The following PINX1 variants were observed in gnomAD, a reference collection of about 807,000 sequenced individuals.
The protein encoded by PINX1 is PIN2/TERF1-interacting telomerase inhibitor 1.
A neutral mutation model predicts 25.4 loss-of-function variants in PINX1; 34 were observed. The ratio of observed to expected loss-of-function variants is 1.34; its 90% confidence interval spans 1.02 to 1.78. PINX1 has a LOEUF of 1.78. Ranked by LOEUF, PINX1 falls within the 40% of genes most tolerant of loss-of-function variation. PINX1 has a pLI of 0.00. For synonymous variants in PINX1, 197 were observed against 147.7 expected (o/e 1.33, Z -2.42); for missense variants, 592 against 404.9 (o/e 1.46, Z -3.97).
At chr8:10,766,665 G>C (rs949450884) in intron 6 of PINX1, among the ~76,000 whole-genome samples, 2 of 152,204 alleles carry the variant, frequency 1.3e-5, no homozygotes, top group African/African-American at 4.8e-5. Context: ...GACTGTGTTT[G>C]GGCTGTTTTT....
chr8:10,813,063 G>GT (rs2129083670), intron 6 of PINX1, among the ~76,000 whole-genome samples: 1 of 152,326 alleles, frequency 6.6e-6, no homozygotes, highest in African/African-American at 2.4e-5. Flanking sequence ...TCAGGATTCT[G>GT]TTATCAATGG....
At chr8:10,782,452 G>C (rs1341503448) in intron 6 of PINX1, among the ~76,000 whole-genome samples, 1 of 151,502 alleles carries the variant, frequency 6.6e-6, no homozygotes, top group East Asian at 1.9e-4. Flanking sequence ...TAAGTACTCA[G>C]AGGCCAGGCG....
At chr8:10,807,317 T>TCCCCC (rs1184898113) in intron 6 of PINX1, among the ~76,000 whole-genome samples, 22 of 39,752 alleles carry the variant, frequency 5.5e-4, no homozygotes, top group Non-Finnish European at 7.5e-4. Flanking sequence ...ATCAAGAAAA[T>TCCCCC]CCCCCCCCCA....
intron 6 of PINX1, among the ~76,000 whole-genome samples, chr8:10,789,984 G>A (rs1018072009): frequency 6.6e-6 from 1 of 152,208 alleles, no homozygotes; most frequent in Non-Finnish European, 1.5e-5. Flanking sequence ...CTAGGGCAGA[G>A]TGCTCTCTCT....
intron 6 of PINX1, among the ~76,000 whole-genome samples, chr8:10,767,536 A>G (rs1801092861): frequency 6.6e-6 from 1 of 152,240 alleles, no homozygotes; most frequent in South Asian, 2.1e-4. Flanking sequence ...GGAATTCCAT[A>G]GGGTGATTTT....
chr8:10,839,188 C>A (rs878876173), intron 1 of PINX1, among the ~76,000 whole-genome samples: 3 of 152,086 alleles, frequency 2.0e-5, no homozygotes, highest in Non-Finnish European at 4.4e-5. Flanking sequence ...GCGCTGTGGC[C>A]AACTAACAAG....
chr8:10,798,398 G>A (rs879097531), intron 6 of PINX1, among the ~76,000 whole-genome samples: 2 of 152,216 alleles, frequency 1.3e-5, no homozygotes, highest in African/African-American at 2.4e-5. Context: ...TGAGACTGTG[G>A]CAACATATTA....
At chr8:10,769,021 T>C (rs1036899390) in intron 6 of PINX1, among the ~76,000 whole-genome samples, 1 of 152,218 alleles carries the variant, frequency 6.6e-6, no homozygotes, top group Non-Finnish European at 1.5e-5. Context: ...AAATGCGACA[T>C]TCACTGCTTC....
intron 4 of PINX1, 79 bp from the exon 5 acceptor site, chr8:10,826,323 A>C: frequency 1.3e-6 from 1 of 745,400 alleles, no homozygotes; most frequent in Non-Finnish European, 2.1e-6. Context: ...GATAGTCTTG[A>C]AAGAAAATTT....
chr8:10,818,022 C>A (rs756933950), intron 6 of PINX1, among the ~76,000 whole-genome samples: 7 of 152,114 alleles, frequency 4.6e-5, no homozygotes, highest in Admixed American at 2.0e-4. Flanking sequence ...TGGGCAGAAC[C>A]CTGGCATTAG....
At chr8:10,839,341 T>G (rs1242654666) in intron 1 of PINX1, among the ~76,000 whole-genome samples, 2 of 152,202 alleles carry the variant, frequency 1.3e-5, no homozygotes, top group Non-Finnish European at 2.9e-5. Flanking sequence ...GTGATTACAG[T>G]TTCAAGTGAT....
intron 6 of PINX1, among the ~76,000 whole-genome samples, chr8:10,806,747 C>T (rs775521543): frequency 1.3e-5 from 2 of 152,230 alleles, no homozygotes; most frequent in South Asian, 2.1e-4. Flanking sequence ...GAGGCTCTGC[C>T]GGCAGGCCCT....
chr8:10,832,857 G>A (rs1364492593), intron 3 of PINX1, 35 bp downstream of exon 3: 5 of 1,284,418 alleles, frequency 3.9e-6, no homozygotes, highest in Admixed American at 3.5e-5. Context: ...AGCCAATTAT[G>A]CAAAGACACC....
At chr8:10,807,904 C>G (rs1802505333) in intron 6 of PINX1, among the ~76,000 whole-genome samples, 1 of 152,116 alleles carries the variant, frequency 6.6e-6, no homozygotes, top group African/African-American at 2.4e-5. Context: ...AGGTGGAAAT[C>G]TTAAGAGAGA....
At chr8:10,790,643 A>ACTGAGCAGCTCAGGCTGAGGCTCAGG (rs1489277108) in intron 6 of PINX1, among the ~76,000 whole-genome samples, 3 of 152,036 alleles carry the variant, frequency 2.0e-5, no homozygotes, top group African/African-American at 7.2e-5. Context: ...TCTTGCCACC[A>ACTGAGCAGCTCAGGCTGAGGCTCAGG]CTGAGCAGCT....
chr8:10,838,321 G>A (rs1383820535), intron 1 of PINX1, among the ~76,000 whole-genome samples: 2 of 152,174 alleles, frequency 1.3e-5, no homozygotes, highest in African/African-American at 2.4e-5. Flanking sequence ...ATATTATAAT[G>A]ACAAGGATTT....
chr8:10,800,218 A>G (rs2129079512), intron 6 of PINX1, among the ~76,000 whole-genome samples: 1 of 152,354 alleles, frequency 6.6e-6, no homozygotes, highest in South Asian at 2.1e-4. Flanking sequence ...AGCATTTGGT[A>G]TTATTCTTAA....
At chr8:10,810,307 T>C (rs1802588063) in intron 6 of PINX1, among the ~76,000 whole-genome samples, 1 of 152,216 alleles carries the variant, frequency 6.6e-6, no homozygotes, top group Non-Finnish European at 1.5e-5. Flanking sequence ...TTGCTAGTTA[T>C]ATTCCTGGAC....
intron 6 of PINX1, among the ~76,000 whole-genome samples, chr8:10,819,162 G>C (rs1423540302): frequency 6.6e-6 from 1 of 152,232 alleles, no homozygotes; most frequent in Non-Finnish European, 1.5e-5. Context: ...GGGGCAGACA[G>C]GGGCTAAAAG....
Sources: gnomAD v4.1 joint callset for allele counts (sites outside exome capture counted in the v4.1 genomes callset) on GRCh38, gnomAD v4.1.1 for gene constraint, MANE v1.5 for transcripts, NCBI Gene and HGNC (gene_info 2026-07-23, HGNC 2026-07-21) for gene names.